The following PLXDC2 variants were observed in gnomAD, a reference collection of about 807,000 sequenced individuals.
PLXDC2 encodes plexin domain containing 2.
PLXDC2 carries 40 observed loss-of-function variants against 68.9 expected under a neutral mutation model. The observed-to-expected ratio is 0.58, with a 90% confidence interval of 0.45 to 0.76. The LOEUF (loss-of-function observed/expected upper bound fraction) is 0.76. Among genes scored for constraint, PLXDC2 ranks in the 30% least tolerant of loss-of-function variants. The pLI, the probability that PLXDC2 is intolerant of heterozygous loss-of-function variation, is 0.00. For synonymous variants in PLXDC2, 243 were observed against 234.2 expected, an observed-to-expected ratio of 1.04 and a Z score of -0.34; for missense variants, 644 against 661.9, an observed-to-expected ratio of 0.97 and a Z score of 0.30.
chr10:20,230,541 G>A (rs528700501), intron 12 of PLXDC2, among the ~76,000 whole-genome samples: 30 of 151,314 alleles, frequency 2.0e-4, no homozygotes, highest in African/African-American at 6.5e-4. Context: ...GCATGGTGGC[G>A]TGCACTTGTA....
intron 4 of PLXDC2, among the ~76,000 whole-genome samples, chr10:20,088,038 C>G (rs928377238): frequency 6.6e-6 from 1 of 152,122 alleles, no homozygotes; most frequent in Non-Finnish European, 1.5e-5. Flanking sequence ...GGAACAGGCT[C>G]TATAATCATT....
intron 1 of PLXDC2, among the ~76,000 whole-genome samples, chr10:19,974,118 A>T (rs921544895): frequency 5.3e-5 from 8 of 152,236 alleles, no homozygotes; most frequent in Admixed American, 2.6e-4. Flanking sequence ...TTTGATAGAG[A>T]TCATCAATAG....
rs1396953561 is a variant in PLXDC2 at position 20,044,228 on chromosome 10, T to TCTTTC, written c.325-2640_325-2636dup. 1.7e-3 allele frequency among the ~76,000 whole-genome samples: 98 copies of TCTTTC among 57,520 alleles called. 5 individuals carry two copies. Among genetic ancestry groups the TCTTTC allele is most frequent in the African/African-American group, 8.2e-3 (90 of 10,912 alleles). 37.7% of individuals were successfully genotyped at this position (57,520 alleles called of 152,430 possible). A position where few individuals can be genotyped will look rare whatever the true frequency, so the allele number is the denominator to read the frequency against. On this transcript the variant is annotated intron_variant, in intron 2 of 13. Transcript: ENST00000377252. The stretch of plus-strand genomic sequence containing the variant: ...CTCTCTCTGTCTTTCTTTCTTTCTT[T>TCTTTC]CTTTCTTTCTTTCTTTCTTTCTTTC...
Position 19,993,110 on chromosome 10 carries a change from A to G in PLXDC2, c.113-8665A>G, listed in dbSNP as rs111956964. 1.2e-3 allele frequency among the ~76,000 whole-genome samples: 189 copies of G among 152,284 alleles called. 3 individuals carry two copies. The highest frequency in any genetic ancestry group is 4.3e-3 in the African/African-American group (178 of 41,550). On this transcript the variant is annotated intron_variant, in intron 1 of 13. Transcript: ENST00000377252. ...AGCCCAAGCCCATTACTAACCCTAA[A>G]TGAGGGTTATTGTTATTATTATTAA...
At chr10:20,224,560 AC>A (rs1193177772) in intron 12 of PLXDC2, among the ~76,000 whole-genome samples, 1 of 152,198 alleles carries the variant, frequency 6.6e-6, no homozygotes, top group Non-Finnish European at 1.5e-5. Flanking sequence ...ATAAAGTTAT[AC>A]CCAGGGCTGA....
At chr10:20,041,964 C>T (rs775284402) in intron 2 of PLXDC2, among the ~76,000 whole-genome samples, 1 of 152,178 alleles carries the variant, frequency 6.6e-6, no homozygotes, top group Non-Finnish European at 1.5e-5. Flanking sequence ...TAATTACCTT[C>T]CTAAAGACTG....
intron 1 of PLXDC2, among the ~76,000 whole-genome samples, chr10:19,844,593 A>G (rs562089929): frequency 3.3e-4 from 50 of 149,650 alleles, no homozygotes; most frequent in African/African-American, 1.2e-3. Context: ...TTTATTTTTC[A>G]ATATTTTTTT....
chr10:19,967,503 A>C (rs902961677), intron 1 of PLXDC2, among the ~76,000 whole-genome samples: 2 of 152,306 alleles, frequency 1.3e-5, no homozygotes, highest in Non-Finnish European at 2.9e-5. Flanking sequence ...AATGAAACCT[A>C]ATCTTCGAAC....
intron 1 of PLXDC2, among the ~76,000 whole-genome samples, chr10:19,853,618 T>A (rs1319569360): frequency 6.8e-6 from 1 of 146,274 alleles, no homozygotes; most frequent in Non-Finnish European, 1.5e-5. Context: ...TCTAGAACAC[T>A]GAACTTGAGT....
intron 9 of PLXDC2, among the ~76,000 whole-genome samples, chr10:20,181,959 G>A (rs1331959278): frequency 2.0e-5 from 3 of 151,894 alleles, no homozygotes; most frequent in Non-Finnish European, 2.9e-5. Flanking sequence ...GGCTGGTAGT[G>A]AGCTTGTGCA....
intron 1 of PLXDC2, among the ~76,000 whole-genome samples, chr10:19,945,240 T>G (rs1198494563): frequency 6.6e-6 from 1 of 152,214 alleles, no homozygotes; most frequent in Non-Finnish European, 1.5e-5. Flanking sequence ...TCTTGGCCCT[T>G]TAAAGGCTTC....
intron 1 of PLXDC2, among the ~76,000 whole-genome samples, chr10:19,958,862 A>T (rs962884808): frequency 2.0e-5 from 3 of 152,168 alleles, no homozygotes; most frequent in African/African-American, 7.2e-5. Context: ...CTGAAACTCA[A>T]CTAGACCTTG....
At chr10:20,095,957 G>A (rs754658505) in intron 4 of PLXDC2, among the ~76,000 whole-genome samples, 5 of 152,176 alleles carry the variant, frequency 3.3e-5, no homozygotes, top group Non-Finnish European at 7.4e-5. Context: ...AGATGTTTCA[G>A]TTTTTACAAT....
In PLXDC2 at chr10:19,841,955, A is replaced by G. The variant is rs556902992; in HGVS notation, c.112+24764A>G. ...GAAATGAAAAGAAACAAACACCCCA[A>G]TGGATAGTCTGTCATGCCCCACATT... is the stretch of plus-strand genomic sequence containing the variant. On this transcript the variant is annotated intron_variant, in intron 1 of 13. Coordinates refer to ENST00000377252, the MANE Select transcript of PLXDC2 (RefSeq NM_032812.9). Among the ~76,000 whole-genome samples the G allele has an allele frequency of 1.3e-4, 20 of 152,242 alleles. No homozygotes were observed. In the South Asian group the frequency reaches 1.7e-3, roughly 13 times the overall value.
At chr10:20,051,920 A>G (rs1054079020) in intron 3 of PLXDC2, among the ~76,000 whole-genome samples, 3 of 152,062 alleles carry the variant, frequency 2.0e-5, no homozygotes, top group Admixed American at 6.6e-5. Flanking sequence ...CTCAATAGCC[A>G]TAGACAATAT....
At position 20,283,378 on chromosome 10, in the gene PLXDC2, T is replaced by C. The variant is rs1225725163; in HGVS notation, c.*3559T>C. On this transcript the variant is annotated 3_prime_UTR_variant, in exon 14 of 14. Transcript: ENST00000377252. ...TTAAATGTACAGATGTGCAGACTCT[T>C]AAAAACCTTATGTTAATGTAACCCA... 1 of 152,236 alleles carries C rather than the reference T, an allele frequency of 6.6e-6. No homozygotes were observed. Among genetic ancestry groups the C allele is most frequent in the Admixed American group, 6.5e-5 (1 of 15,284 alleles). 9.4% of individuals were successfully genotyped at this position (152,236 alleles called of 1,614,324 possible). A position where few individuals can be genotyped will look rare whatever the true frequency, so the allele number is the denominator to read the frequency against.
chr10:19,917,919 A>C (rs1589535440), intron 1 of PLXDC2, among the ~76,000 whole-genome samples: 1 of 152,178 alleles, frequency 6.6e-6, no homozygotes, highest in South Asian at 2.1e-4. Context: ...ACCTATTTGC[A>C]AAGTTCACAG....
At chr10:20,123,354 G>T in intron 4 of PLXDC2, among the ~76,000 whole-genome samples, 1 of 152,168 alleles carries the variant, frequency 6.6e-6, no homozygotes, top group East Asian at 1.9e-4. Flanking sequence ...ATTGGGAACA[G>T]AGACTAGAGA....
At chr10:20,143,257 T>C (rs1401535953) in intron 4 of PLXDC2, 38 bp from the exon 5 acceptor site, 1 of 1,573,774 alleles carries the variant, frequency 6.4e-7, no homozygotes, top group Non-Finnish European at 8.6e-7. Flanking sequence ...TATATGGGCT[T>C]CTTTTTCTGA....
Sources: gnomAD v4.1 joint callset for allele counts (sites outside exome capture counted in the v4.1 genomes callset) on GRCh38, gnomAD v4.1.1 for gene constraint, MANE v1.5 for transcripts, NCBI Gene and HGNC (gene_info 2026-07-23, HGNC 2026-07-21) for gene names.